Variants in PPM1L observed in about 807,000 individuals in gnomAD.
The protein encoded by PPM1L is protein phosphatase, Mg2+/Mn2+ dependent 1L, also known as protein phosphatase 1L.
Under a neutral mutation model 31.4 loss-of-function variants are expected in PPM1L, and 13 were observed. That is an observed-to-expected ratio of 0.41 (90% CI 0.27 to 0.66). The LOEUF is 0.66. PPM1L is among the 30% of genes least tolerant of loss of function. The pLI, the probability that PPM1L is intolerant of heterozygous loss-of-function variation, is 0.29. For synonymous variants in PPM1L, 184 were observed against 175.4 expected, an observed-to-expected ratio of 1.05 and a Z score of -0.39; for missense variants, 326 against 453.7, an observed-to-expected ratio of 0.72 and a Z score of 2.56.
intron 1 of PPM1L, among the ~76,000 whole-genome samples, chr3:160,840,720 G>C (rs1458369847): frequency 7.5e-6 from 1 of 132,814 alleles, no homozygotes; most frequent in South Asian, 2.2e-4. Flanking sequence ...ATCTCCAGGG[G>C]AGAGAGAGAG....
chr3:160,782,944 C>G (rs1711790850), intron 1 of PPM1L, among the ~76,000 whole-genome samples: 1 of 152,066 alleles, frequency 6.6e-6, no homozygotes, highest in Non-Finnish European at 1.5e-5. Flanking sequence ...TGATGAAAAA[C>G]TTTAAAATTT....
chr3:160,910,277 C>CT (rs1198892679), intron 1 of PPM1L, among the ~76,000 whole-genome samples: 8 of 121,368 alleles, frequency 6.6e-5, no homozygotes, highest in African/African-American at 2.9e-4. Flanking sequence ...TCCCCTTCCC[C>CT]TTCCCTTTCC....
At chr3:160,889,436 CAAGACT>C (rs1290453302) in intron 1 of PPM1L, among the ~76,000 whole-genome samples, 1 of 152,110 alleles carries the variant, frequency 6.6e-6, no homozygotes, top group African/African-American at 2.4e-5. Flanking sequence ...TACACCCTCC[CAAGACT>C]AAGTCAGGAA....
chr3:160,781,269 T>TA (rs1196840482), intron 1 of PPM1L, among the ~76,000 whole-genome samples: 1 of 152,168 alleles, frequency 6.6e-6, no homozygotes, highest in Non-Finnish European at 1.5e-5. Context: ...GGCTGACAGA[T>TA]ATAGCTTAGG....
rs150841509 is a variant in PPM1L, at chr3:160,929,669, C to A, written c.400-32067C>A. ...TGTAGTCAGTGCATTTTCCCCATAT[C>A]CTGGTTTTCAGCAATCTGTTCCATA... On this transcript the variant is annotated intron_variant, in intron 1 of 3. Coordinates refer to ENST00000498165, the MANE Select transcript of PPM1L (RefSeq NM_139245.4). Among the ~76,000 whole-genome samples the A allele has an allele frequency of 1.8e-3, 267 of 152,260 alleles. 1 individual carries two copies. The highest frequency in any genetic ancestry group is 6.8e-3 in the Middle Eastern group (2 of 294).
intron 1 of PPM1L, among the ~76,000 whole-genome samples, chr3:160,767,338 A>T (rs1403266810): frequency 6.6e-6 from 1 of 151,602 alleles, no homozygotes; most frequent in African/African-American, 2.4e-5. Context: ...GGCTCAAGTG[A>T]TCCTCCCACC....
chr3:160,997,532 G>C (rs779728572), intron 2 of PPM1L, among the ~76,000 whole-genome samples: 21 of 152,106 alleles, frequency 1.4e-4, no homozygotes, highest in Non-Finnish European at 2.4e-4. Flanking sequence ...ACGAGACTCA[G>C]GTATAGTTAT....
chr3:161,047,826 A>G (rs1719133203), intron 2 of PPM1L, among the ~76,000 whole-genome samples: 1 of 152,258 alleles, frequency 6.6e-6, no homozygotes, highest in Non-Finnish European at 1.5e-5. Context: ...GACTAAAACA[A>G]GAAATGGGGA....
At chr3:161,048,613 G>A (rs1472996732) in intron 2 of PPM1L, among the ~76,000 whole-genome samples, 1 of 152,050 alleles carries the variant, frequency 6.6e-6, no homozygotes, top group Non-Finnish European at 1.5e-5. Flanking sequence ...TCATGCTGCT[G>A]TAAAGACACA....
At chr3:160,998,953 CA>C (rs952537356) in intron 2 of PPM1L, among the ~76,000 whole-genome samples, 2 of 151,506 alleles carry the variant, frequency 1.3e-5, no homozygotes, top group Non-Finnish European at 2.9e-5. Context: ...GAATCTTAAA[CA>C]AAAAAAGAAA....
chr3:160,876,881 G>A (rs754117226), intron 1 of PPM1L, among the ~76,000 whole-genome samples: 1 of 152,108 alleles, frequency 6.6e-6, no homozygotes, highest in Non-Finnish European at 1.5e-5. Flanking sequence ...CCTAGCATGT[G>A]ACAAAAAGCA....
chr3:161,072,804 T>C lies in PPM1L; in HGVS notation c.*3647T>C, dbSNP rs1359937130. 1 of 152,000 alleles carries C rather than the reference T, an allele frequency of 6.6e-6. No homozygotes were observed. Among genetic ancestry groups the C allele is most frequent in the Non-Finnish European group, 1.5e-5 (1 of 68,036 alleles). The allele number at this position is 152,000 out of a possible 1,614,324, so 9.4% of individuals were successfully genotyped here. A position where few individuals can be genotyped will look rare whatever the true frequency, so the allele number is the denominator to read the frequency against. On this transcript the variant is annotated 3_prime_UTR_variant, in exon 4 of 4. Transcript: ENST00000498165. ...GTGTTTAGAAAAGGCAGCATATCAT[T>C]GTATATTTGAAACTATAGGAATATA...
At chr3:160,953,528 C>A (rs114326561) in intron 1 of PPM1L, among the ~76,000 whole-genome samples, 1,860 of 152,268 alleles carry the variant, frequency 0.012, 37 homozygotes, top group African/African-American at 0.043. Context: ...TTGACCTTGA[C>A]ACTTTTTTTC....
rs190350070 is a variant in PPM1L, at chr3:160,819,633, G to A, written c.399+62926G>A. On this transcript the variant is annotated intron_variant, in intron 1 of 3. Transcript: ENST00000498165. ...GCAATGAAAAAATTCTTGCCCTCAT[G>A]GAACTTACATTCCAGAGGGGACAAT... Among the ~76,000 whole-genome samples the A allele has an allele frequency of 2.9e-4, 44 of 152,054 alleles. No individual in the cohort carries two copies. In the East Asian group the frequency reaches 8.3e-3, roughly 29 times the overall value.
Position 160,991,456 on chromosome 3 carries a change from TA to T in PPM1L, c.574+29547del, listed in dbSNP as rs1429889911. Among the ~76,000 whole-genome samples the T allele has an allele frequency of 7.2e-5, 11 of 152,322 alleles. No individual in the cohort carries two copies. The East Asian group carries it at 1.5e-3, about 21-fold the overall frequency. On this transcript the variant is annotated intron_variant, in intron 2 of 3. Coordinates refer to ENST00000498165, the MANE Select transcript of PPM1L (RefSeq NM_139245.4). Reference sequence around the variant, plus strand: ...TAAGAATCCCCAAGGAGAGTTTAGTTAGGGAAAGAAGACTCTCAATTACAGA... The same window carrying T: ...TAAGAATCCCCAAGGAGAGTTTAGTTGGGAAAGAAGACTCTCAATTACAGA...
intron 2 of PPM1L, among the ~76,000 whole-genome samples, chr3:160,977,700 A>T (rs1439413542): frequency 3.9e-5 from 6 of 152,176 alleles, no homozygotes; most frequent in African/African-American, 1.4e-4. Context: ...AAATAGATCA[A>T]AGCCATAAAT....
At chr3:161,042,401 C>T (rs1417757828) in intron 2 of PPM1L, among the ~76,000 whole-genome samples, 1 of 152,172 alleles carries the variant, frequency 6.6e-6, no homozygotes, top group Admixed American at 6.5e-5. Flanking sequence ...TTCATAAGCT[C>T]AGCCAGAATC....
chr3:160,867,792 G>T (rs561444567), intron 1 of PPM1L, among the ~76,000 whole-genome samples: 1 of 152,148 alleles, frequency 6.6e-6, no homozygotes, highest in Non-Finnish European at 1.5e-5. Context: ...AAACAGCTGT[G>T]CTGGAAAGAG....
At position 160,840,053 on chromosome 3, in the gene PPM1L, G is replaced by A. The variant is rs1576663759; in HGVS notation, c.399+83346G>A. ...TTTGGGAAATGCTGGTTTAAGTGAA[G>A]GTAACTGATTTCTTTATGAGGACTT... On this transcript the variant is annotated intron_variant, in intron 1 of 3. Transcript: ENST00000498165. Among the ~76,000 whole-genome samples, 5 of 152,250 alleles carry A rather than the reference G, an allele frequency of 3.3e-5. 1 individual carries two copies. The Middle Eastern group carries it at 0.014, about 414-fold the overall frequency.
Sources: allele counts gnomAD v4.1 joint callset (sites outside exome capture counted in the v4.1 genomes callset), GRCh38; gene constraint gnomAD v4.1.1; transcripts MANE v1.5; gene names NCBI Gene and HGNC (gene_info 2026-07-23, HGNC 2026-07-21).